The following JAZF1 variants were observed in gnomAD, a reference collection of about 807,000 sequenced individuals.
JAZF1 encodes the protein JAZF zinc finger 1.
Under a neutral mutation model 26.4 loss-of-function variants are expected in JAZF1, and 8 were observed. The ratio of observed to expected loss-of-function variants is 0.30; its 90% confidence interval spans 0.18 to 0.55. The LOEUF (loss-of-function observed/expected upper bound fraction) is 0.55, where lower values mean the gene tolerates loss of function less well. Ranked by LOEUF, JAZF1 falls within the 20% of genes least tolerant of loss-of-function variation. JAZF1 has a pLI of 0.94. For missense variants in JAZF1, 199 were observed against 322.0 expected (o/e 0.62, Z 2.92); for synonymous variants, 126 against 122.3 (o/e 1.03, Z -0.20).
At chr7:28,165,464 T>C (rs927343559) in intron 1 of JAZF1, among the ~76,000 whole-genome samples, 1 of 152,176 alleles carries the variant, frequency 6.6e-6, no homozygotes, top group Admixed American at 6.5e-5. Flanking sequence ...AAACTAACCA[T>C]AACGAAGTCA....
chr7:27,963,755 G>A (rs1240001144), intron 2 of JAZF1, among the ~76,000 whole-genome samples: 1 of 151,974 alleles, frequency 6.6e-6, no homozygotes, highest in South Asian at 2.1e-4. Flanking sequence ...TTTGGTAGAG[G>A]CAAGGTCTTG....
intron 2 of JAZF1, among the ~76,000 whole-genome samples, chr7:27,929,910 C>CT (rs1339155075): frequency 6.6e-6 from 1 of 151,794 alleles, no homozygotes; most frequent in Non-Finnish European, 1.5e-5. Flanking sequence ...ATTTCCTTCT[C>CT]TATCCCTTCC....
chr7:28,041,757 C>T (rs1026121720), intron 1 of JAZF1, among the ~76,000 whole-genome samples: 25 of 152,146 alleles, frequency 1.6e-4, no homozygotes, highest in African/African-American at 4.3e-4. Context: ...TTCCCCTGTA[C>T]GCAGCTGTCT....
intron 2 of JAZF1, among the ~76,000 whole-genome samples, chr7:27,898,311 G>GTTTTTT (rs370764659): frequency 9.0e-6 from 1 of 111,252 alleles, no homozygotes; most frequent in African/African-American, 3.4e-5. Context: ...ATATACATCG[G>GTTTTTT]TTTTTTTTTT....
intron 2 of JAZF1, among the ~76,000 whole-genome samples, chr7:27,971,292 G>A (rs183430662): frequency 1.3e-5 from 2 of 152,296 alleles, no homozygotes; most frequent in South Asian, 2.1e-4. Flanking sequence ...CAGGCCAGAC[G>A]GGAGAGCTCT....
At position 28,080,929 on chromosome 7, in the gene JAZF1, T is replaced by C. The variant is rs539142284; in HGVS notation, c.116-88948A>G. Among the ~76,000 whole-genome samples the C allele has an allele frequency of 9.6e-4, 139 of 144,688 alleles. 2 individuals are homozygous for C. Among genetic ancestry groups the C allele is most frequent in the South Asian group, 6.2e-3 (29 of 4,656 alleles). 94.9% of individuals were successfully genotyped at this position (144,688 alleles called of 152,430 possible). A position where few individuals can be genotyped will look rare whatever the true frequency, so the allele number is the denominator to read the frequency against. ...GGAAAATGGCCATAAACCTACAATT[T>C]GTAAAAAAAAACAAAAAAAAAAATG... On this transcript the variant is annotated intron_variant, in intron 1 of 4. Transcript: ENST00000283928.
intron 2 of JAZF1, among the ~76,000 whole-genome samples, chr7:27,904,667 C>T (rs1784220601): frequency 6.6e-6 from 1 of 151,968 alleles, no homozygotes; most frequent in Admixed American, 6.6e-5. Context: ...TGCAGTATCA[C>T]CGAAACTCTG....
At chr7:28,036,526 C>T (rs1350000920) in intron 1 of JAZF1, among the ~76,000 whole-genome samples, 1 of 152,214 alleles carries the variant, frequency 6.6e-6, no homozygotes, top group Non-Finnish European at 1.5e-5. Flanking sequence ...CCTCACTCTG[C>T]AGGCAGCTTT....
intron 1 of JAZF1, among the ~76,000 whole-genome samples, chr7:28,136,709 G>C (rs1404681140): frequency 6.6e-6 from 1 of 152,220 alleles, no homozygotes; most frequent in Non-Finnish European, 1.5e-5. Flanking sequence ...TAGTTAGGGA[G>C]AGAGACAGGA....
chr7:28,039,552 T>C (rs570427200), intron 1 of JAZF1, among the ~76,000 whole-genome samples: 1 of 152,320 alleles, frequency 6.6e-6, no homozygotes, highest in African/African-American at 2.4e-5. Flanking sequence ...AGATAGTCCC[T>C]GGAACACACT....
intron 1 of JAZF1, among the ~76,000 whole-genome samples, chr7:28,039,516 CTGA>C (rs1783353867): frequency 6.6e-6 from 1 of 152,142 alleles, no homozygotes; most frequent in Admixed American, 6.5e-5. Context: ...AATATTATAA[CTGA>C]CTTACTGAGA....
At chr7:27,953,309 A>G (rs1036270233) in intron 2 of JAZF1, among the ~76,000 whole-genome samples, 3 of 152,244 alleles carry the variant, frequency 2.0e-5, no homozygotes, top group African/African-American at 7.2e-5. Flanking sequence ...TATAGCCAAG[A>G]GGTAAAAATA....
chr7:28,081,388 G>C (rs577296683), intron 1 of JAZF1, among the ~76,000 whole-genome samples: 3 of 152,186 alleles, frequency 2.0e-5, no homozygotes, highest in Non-Finnish European at 4.4e-5. Context: ...CTGCAGAGGG[G>C]AGCAAGAGGG....
At chr7:28,070,099 C>T (rs1783953973) in intron 1 of JAZF1, among the ~76,000 whole-genome samples, 1 of 152,196 alleles carries the variant, frequency 6.6e-6, no homozygotes, top group South Asian at 2.1e-4. Context: ...TTTTTTGTTG[C>T]TCTGCCCTTG....
At chr7:27,967,952 G>A (rs1583484900) in intron 2 of JAZF1, among the ~76,000 whole-genome samples, 1 of 152,196 alleles carries the variant, frequency 6.6e-6, no homozygotes, top group African/African-American at 2.4e-5. Context: ...TATACCACAA[G>A]CCAGTGATTC....
intron 1 of JAZF1, among the ~76,000 whole-genome samples, chr7:28,109,886 G>A (rs946598315): frequency 6.6e-6 from 1 of 152,158 alleles, no homozygotes; most frequent in African/African-American, 2.4e-5. Flanking sequence ...GGCATATGAA[G>A]ACTTGAATCC....
chr7:28,006,105 T>C (rs190838090), intron 1 of JAZF1, among the ~76,000 whole-genome samples: 185 of 152,176 alleles, frequency 1.2e-3, no homozygotes, highest in African/African-American at 4.2e-3. Flanking sequence ...TAATAAATCT[T>C]ACCCACTAGG....
In JAZF1 at chr7:28,155,602, CAG is replaced by C. The variant is rs556630756; in HGVS notation, c.115+24859_115+24860del. On this transcript the variant is annotated intron_variant, in intron 1 of 4. Coordinates refer to ENST00000283928, the MANE Select transcript of JAZF1 (RefSeq NM_175061.4). ...CACTAAGTAATCCTTTCTTCCCTTT[CAG>C]AGTTAATCATCAAAGGTACTGAACA... Among the ~76,000 whole-genome samples the C allele has an allele frequency of 1.6e-3, 251 of 152,326 alleles. 1 individual carries two copies. Among genetic ancestry groups the C allele is most frequent in the African/African-American group, 5.8e-3 (242 of 41,572 alleles).
At chr7:27,872,255 AAAC>A (rs1783595744) in intron 3 of JAZF1, among the ~76,000 whole-genome samples, 1 of 152,256 alleles carries the variant, frequency 6.6e-6, no homozygotes, top group Non-Finnish European at 1.5e-5. Flanking sequence ...ATAAAGAAAA[AAAC>A]AAGCTATTAA....
Sources: allele counts gnomAD v4.1 joint callset (sites outside exome capture counted in the v4.1 genomes callset), GRCh38; gene constraint gnomAD v4.1.1; transcripts MANE v1.5; gene names NCBI Gene and HGNC (gene_info 2026-07-23, HGNC 2026-07-21).